The following MYH14 variants were observed in gnomAD, a reference collection of about 807,000 sequenced individuals.
MYH14 encodes the protein myosin-14.
A neutral mutation model predicts 255.5 loss-of-function variants in MYH14; 123 were observed. The observed-to-expected ratio is 0.48, with a 90% CI of 0.42 to 0.56. The LOEUF (loss-of-function observed/expected upper bound fraction) is 0.56. MYH14 is among the 20% of genes least tolerant of loss of function. MYH14 has a pLI of 0.00. For missense variants in MYH14, 2,423 were observed against 2,802.3 expected, an observed-to-expected ratio of 0.86 and a Z score of 3.06; for synonymous variants, 1,095 against 1,161.2, an observed-to-expected ratio of 0.94 and a Z score of 1.16.
chr19:50,223,485 G>A, intron 5 of MYH14, 136 bp downstream of exon 5: 1 of 695,454 alleles, frequency 1.4e-6, no homozygotes, highest in Non-Finnish European at 2.6e-6. Flanking sequence ...AGCACCTACT[G>A]TGTGCCTGGG....
rs1206857657 is a variant in MYH14, at chr19:50,263,360, G to A, written c.2634G>A (p.Gln878=). 1 of 1,599,856 alleles carries A rather than the reference G, an allele frequency of 6.3e-7. No homozygotes were observed. The highest frequency in any genetic ancestry group is 1.3e-5 in the African/African-American group (1 of 74,626). ...AGCAGAGCGCCCTGAGGGTGATGCAGCGGAACTGCGCGGCCTACCTCAAGC... is the reference window on the plus strand; with the variant it reads ...AGCAGAGCGCCCTGAGGGTGATGCAACGGAACTGCGCGGCCTACCTCAAGC... The part of the protein sequence containing the change: ...QQQQSALRVM[Q]RNCAAYLKLR... The change falls in exon 22 of 43, where the codon CAG becomes CAA. Residue 878 remains glutamine, a synonymous_variant. Transcript: ENST00000642316.
chr19:50,302,940 C>A (rs574465810), intron 40 of MYH14, among the ~76,000 whole-genome samples: 1 of 152,210 alleles, frequency 6.6e-6, no homozygotes, highest in African/African-American at 2.4e-5. Context: ...AAAAAACAAA[C>A]AAAGTGTGTA....
At chr19:50,301,977 C>T in intron 40 of MYH14, 108 bp downstream of exon 40, 1 of 902,888 alleles carries the variant, frequency 1.1e-6, no homozygotes, top group Non-Finnish European at 1.7e-6. Flanking sequence ...CAAAAGACAT[C>T]ATCATAGTAA....
At chr19:50,238,232 G>T (rs913377471) in intron 10 of MYH14, among the ~76,000 whole-genome samples, 6 of 152,188 alleles carry the variant, frequency 3.9e-5, no homozygotes, top group Non-Finnish European at 5.9e-5. Context: ...TCAGCAACAA[G>T]AGCTGACTGC....
In MYH14 at chr19:50,230,825, CTCTGTCCCGGG is replaced by C; in HGVS notation, c.973+207_973+217del. On this transcript the variant is annotated intron_variant, in intron 9 of 42. Coordinates refer to ENST00000642316, the MANE Select transcript of MYH14 (RefSeq NM_001145809.2). The surrounding 1 kb of genome is among the most constrained non-coding windows in gnomAD (Gnocchi z 4.7). The stretch of plus-strand genomic sequence containing the variant: ...GGGTTCTGCTGCGCTCTGGTTCCAG[CTCTGTCCCGGG>C]TCTGGCTCGCGCCCGCTGTCACGGC... 1.7e-6 allele frequency: 1 copy of C among 578,714 alleles called. No homozygotes were observed. The highest frequency in any genetic ancestry group is 2.1e-5 in the South Asian group (1 of 48,202). 35.8% of individuals were successfully genotyped at this position (578,714 alleles called of 1,614,324 possible).
chr19:50,277,549 A>C (rs2035555544), intron 29 of MYH14, among the ~76,000 whole-genome samples: 1 of 152,034 alleles, frequency 6.6e-6, no homozygotes, highest in African/African-American at 2.4e-5. Context: ...CAGAGGTTGA[A>C]GTGAGTCAAG....
At chr19:50,219,017 T>A (rs923598285) in intron 3 of MYH14, among the ~76,000 whole-genome samples, 13 of 148,044 alleles carry the variant, frequency 8.8e-5, no homozygotes, top group Non-Finnish European at 1.8e-4. Context: ...TATATATTTT[T>A]TATATATACA....
chr19:50,274,048 G>A (rs1305201202), intron 27 of MYH14, among the ~76,000 whole-genome samples: 15 of 152,102 alleles, frequency 9.9e-5, no homozygotes, highest in Admixed American at 9.8e-4. Flanking sequence ...ATAAAATGGG[G>A]TAATTGTAGA....
Position 50,268,143 on chromosome 19 carries a change from C to T in MYH14, c.2827-18C>T. On this transcript the variant is annotated intron_variant, in intron 23 of 42. Coordinates refer to ENST00000642316, the MANE Select transcript of MYH14 (RefSeq NM_001145809.2). ...GGAGCACTGCCTGCTGACCACTAACCTCCCACACACTCCCCAGCTGGAAGA... is the reference window on the plus strand; with the variant it reads ...GGAGCACTGCCTGCTGACCACTAACTTCCCACACACTCCCCAGCTGGAAGA... The T allele has an allele frequency of 2.0e-6, 3 of 1,537,584 alleles. No individual in the cohort carries two copies. The highest frequency in any genetic ancestry group is 2.6e-6 in the Non-Finnish European group (3 of 1,143,884).
At chr19:50,288,345 G>A (rs2035959928) in intron 34 of MYH14, among the ~76,000 whole-genome samples, 1 of 152,170 alleles carries the variant, frequency 6.6e-6, no homozygotes. Context: ...TTTTAGCCAG[G>A]CCTGGAGAGA....
At chr19:50,204,174 C>G (rs563272316) in intron 1 of MYH14, among the ~76,000 whole-genome samples, 1 of 152,102 alleles carries the variant, frequency 6.6e-6, no homozygotes, top group Non-Finnish European at 1.5e-5. Flanking sequence ...CTTTCCTTAT[C>G]GTGTTGACTC....
At position 50,259,191 on chromosome 19, in the gene MYH14, C is replaced by T. The variant is rs200736103; in HGVS notation, c.2280C>T (p.Asn760=). Residue 760 remains asparagine, a synonymous_variant, in exon 19 of 43, where the codon AAC becomes AAT. Transcript: ENST00000642316. ...PRLVLDQLRC[N]GVLEGIRICR... ...TGGTGCTGGACCAGCTTCGCTGCAACGGGGTCCTGGAGGGCATCCGCATCT... is the reference window on the plus strand; with the variant it reads ...TGGTGCTGGACCAGCTTCGCTGCAATGGGGTCCTGGAGGGCATCCGCATCT... 4 of 1,575,910 alleles carry T rather than the reference C, an allele frequency of 2.5e-6. No homozygotes were observed. Among genetic ancestry groups the T allele is most frequent in the African/African-American group, 1.3e-5 (1 of 74,110 alleles).
At chr19:50,251,005 G>A (rs3745500) in intron 15 of MYH14, among the ~76,000 whole-genome samples, 18,030 of 152,168 alleles carry the variant, frequency 0.12, 1,320 homozygotes, top group Admixed American at 0.22. Context: ...TCGGGGCCGA[G>A]CAAAGCTGGA....
chr19:50,225,241 T>C (rs10406978), intron 6 of MYH14, among the ~76,000 whole-genome samples: 3,267 of 152,322 alleles, frequency 0.021, 97 homozygotes, highest in African/African-American at 0.075. Context: ...TTTACAAACA[T>C]GTATATATCT....
At chr19:50,303,947 C>T (rs1010628525) in intron 40 of MYH14, among the ~76,000 whole-genome samples, 1 of 152,312 alleles carries the variant, frequency 6.6e-6, no homozygotes, top group East Asian at 1.9e-4. Context: ...AAGCCTAATA[C>T]CTTTCACTCT....
Position 50,290,932 on chromosome 19 carries a change from A to C in MYH14, c.5011A>C (p.Thr1671Pro), listed in dbSNP as rs1389680083. The C allele has an allele frequency of 1.9e-6, 3 of 1,588,226 alleles. No homozygotes were observed. The highest frequency in any genetic ancestry group is 2.6e-6 in the Non-Finnish European group (3 of 1,168,066). Reference sequence around the variant, plus strand: ...GCGGGATGAGGAGCGGAAGCAGCGCACTCTGGCCGTGGCTGCCCGCAAGAA... The same window carrying C: ...GCGGGATGAGGAGCGGAAGCAGCGCCCTCTGGCCGTGGCTGCCCGCAAGAA... ...VERDEERKQR[T>P]LAVAARKKLE... Residue 1671 changes from threonine to proline, a missense_variant, in exon 36 of 43, where the codon ACT (threonine) becomes CCT (proline). Thr to Pro is a conservative substitution (Grantham distance 38, BLOSUM62 -1). Coordinates refer to ENST00000642316, the MANE Select transcript of MYH14 (RefSeq NM_001145809.2).
At chr19:50,219,326 A>C (rs1323262656) in intron 3 of MYH14, among the ~76,000 whole-genome samples, 2 of 151,906 alleles carry the variant, frequency 1.3e-5, no homozygotes, top group African/African-American at 4.8e-5. Flanking sequence ...GGATCAAATG[A>C]TATATCTACT....
chr19:50,208,888 T>A (rs2031990428), intron 1 of MYH14, among the ~76,000 whole-genome samples: 1 of 151,930 alleles, frequency 6.6e-6, no homozygotes, highest in Non-Finnish European at 1.5e-5. Context: ...GCTCGGTGGC[T>A]CACACCTGTA....
chr19:50,209,269 G>A (rs976602027), intron 1 of MYH14, among the ~76,000 whole-genome samples: 7 of 152,210 alleles, frequency 4.6e-5, no homozygotes, highest in African/African-American at 1.7e-4. Context: ...GGTGGCTTCT[G>A]CAGTGGACAG....
Sources: allele counts gnomAD v4.1 joint callset (sites outside exome capture counted in the v4.1 genomes callset), GRCh38; gene constraint gnomAD v4.1.1; non-coding constraint Gnocchi (gnomAD v3.1); transcripts MANE v1.5; gene names NCBI Gene and HGNC (gene_info 2026-07-23, HGNC 2026-07-21).